Variants in NCOA1 observed in about 807,000 individuals in gnomAD.
NCOA1 encodes the protein Hin-2 protein.
NCOA1 carries 35 observed loss-of-function variants against 150.9 expected under a neutral mutation model. The observed-to-expected ratio is 0.23, with a 90% CI of 0.18 to 0.31. The LOEUF is 0.31. NCOA1 is among the 10% of genes least tolerant of loss of function. The pLI, the probability that NCOA1 is intolerant of heterozygous loss-of-function variation, is 1.00. For synonymous variants in NCOA1, 590 were observed against 630.0 expected, an observed-to-expected ratio of 0.94 and a Z score of 0.95; for missense variants, 1,491 against 1,749.3, an observed-to-expected ratio of 0.85 and a Z score of 2.63.
At chr2:24,496,931 A>T (rs1663241102) in intron 1 of NCOA1, among the ~76,000 whole-genome samples, 1 of 152,158 alleles carries the variant, frequency 6.6e-6, no homozygotes, top group African/African-American at 2.4e-5. Context: ...GTAAAAAGGT[A>T]TTAATTAGGA....
chr2:24,758,227 GAC>G, intron 21 of NCOA1, 71 bp downstream of exon 21: 1 of 1,396,286 alleles, frequency 7.2e-7, no homozygotes. Flanking sequence ...CAGGTATGTT[GAC>G]AGTTACTCAT....
In NCOA1 at chr2:24,769,955, A is replaced by G. The variant is rs1665242175; in HGVS notation, c.*1564A>G. The G allele has an allele frequency of 4.4e-6, 1 of 227,006 alleles. No homozygotes were observed. The highest frequency in any genetic ancestry group is 2.2e-5 in the African/African-American group (1 of 44,996). The allele number at this position is 227,006 out of a possible 1,614,324, so 14.1% of individuals were successfully genotyped here. The stretch of plus-strand genomic sequence containing the variant: ...AAGGCCATAAGAACAGTGGAAGAGG[A>G]GCATGGACTCAGACTTCAAGGAAGA... On this transcript the variant is annotated 3_prime_UTR_variant, in exon 23 of 23. Coordinates refer to ENST00000348332, the MANE Select transcript of NCOA1 (RefSeq NM_003743.5).
At chr2:24,568,964 A>G (rs1039831922) in intron 2 of NCOA1, among the ~76,000 whole-genome samples, 1 of 152,212 alleles carries the variant, frequency 6.6e-6, no homozygotes, top group Non-Finnish European at 1.5e-5. Flanking sequence ...TTTTTAAGCC[A>G]TTATAGCCTA....
intron 1 of NCOA1, among the ~76,000 whole-genome samples, chr2:24,551,805 T>C (rs759220685): frequency 2.0e-5 from 3 of 152,236 alleles, no homozygotes; most frequent in Admixed American, 6.5e-5. Context: ...TATTAATTTT[T>C]GTGTAAGACA....
intron 19 of NCOA1, among the ~76,000 whole-genome samples, chr2:24,748,250 T>A (rs62142355): frequency 0.15 from 22,458 of 151,832 alleles, 2,063 homozygotes; most frequent in Non-Finnish European, 0.21. Context: ...CCCTATCTAG[T>A]GAAAGAAAAA....
chr2:24,582,912 C>T (rs1667256655), intron 2 of NCOA1, among the ~76,000 whole-genome samples: 1 of 152,118 alleles, frequency 6.6e-6, no homozygotes, highest in African/African-American at 2.4e-5. Flanking sequence ...AAGAATGAAA[C>T]TAGACCCTCA....
At chr2:24,706,201 T>C (rs1426988960) in intron 12 of NCOA1, among the ~76,000 whole-genome samples, 1 of 152,150 alleles carries the variant, frequency 6.6e-6, no homozygotes, top group Non-Finnish European at 1.5e-5. Flanking sequence ...CAAAAAATTA[T>C]TATAATGTTA....
chr2:24,638,776 T>C (rs563214468), intron 3 of NCOA1, among the ~76,000 whole-genome samples: 2 of 152,318 alleles, frequency 1.3e-5, no homozygotes, highest in Non-Finnish European at 1.5e-5. Flanking sequence ...TATATTTGTA[T>C]GACTTTTGGT....
chr2:24,728,807 C>G (rs916706505), intron 16 of NCOA1, among the ~76,000 whole-genome samples: 5 of 152,196 alleles, frequency 3.3e-5, no homozygotes, highest in Non-Finnish European at 7.3e-5. Flanking sequence ...CATGGTATTG[C>G]AACTTCCAGG....
chr2:24,549,600 T>C (rs1382314824), intron 1 of NCOA1, among the ~76,000 whole-genome samples: 1 of 152,176 alleles, frequency 6.6e-6, no homozygotes, highest in Non-Finnish European at 1.5e-5. Flanking sequence ...AGAGTCTCAC[T>C]CTGTCACCCA....
At position 24,752,668 on chromosome 2, in the gene NCOA1, A is replaced by G. The variant is rs56119016; in HGVS notation, c.3881+512A>G. On this transcript the variant is annotated intron_variant, in intron 20 of 22. Coordinates refer to ENST00000348332, the MANE Select transcript of NCOA1 (RefSeq NM_003743.5). Reference sequence around the variant, plus strand: ...TTTTTAAAAGTTTTTCTTTATAAGAACACTTTAAAATCTTATAAATCTAAA... The same window carrying G: ...TTTTTAAAAGTTTTTCTTTATAAGAGCACTTTAAAATCTTATAAATCTAAA... Among the ~76,000 whole-genome samples, 907 of 152,316 alleles carry G rather than the reference A, an allele frequency of 6.0e-3. 6 individuals are homozygous for G. The highest frequency in any genetic ancestry group is 0.014 in the Admixed American group (209 of 15,306).
At chr2:24,606,603 A>G (rs555664297) in intron 3 of NCOA1, among the ~76,000 whole-genome samples, 15 of 152,270 alleles carry the variant, frequency 9.9e-5, no homozygotes, top group African/African-American at 3.6e-4. Context: ...CATGAGATAT[A>G]TTAATCTTTT....
chr2:24,720,571 T>C (rs901149869), intron 14 of NCOA1, among the ~76,000 whole-genome samples: 2 of 152,024 alleles, frequency 1.3e-5, no homozygotes, highest in South Asian at 2.1e-4. Context: ...AAGGTAGATA[T>C]GGGGGAGGTC....
At position 24,491,395 on chromosome 2, in the gene NCOA1, T is replaced by C. The variant is rs1662945574; in HGVS notation, c.-603T>C. ...CGGCTGCCTCGCGGCCTTGAGGGCC[T>C]CCGCCGCCTGTTCGCTGCTGCTCCC... On this transcript the variant is annotated 5_prime_UTR_variant, in exon 1 of 23. Coordinates refer to ENST00000348332, the MANE Select transcript of NCOA1 (RefSeq NM_003743.5). Among the ~76,000 whole-genome samples, 1 of 140,224 alleles carries C rather than the reference T, an allele frequency of 7.1e-6. No individual in the cohort carries two copies. The highest frequency in any genetic ancestry group is 1.5e-5 in the Non-Finnish European group (1 of 65,192). 92.0% of individuals were successfully genotyped at this position (140,224 alleles called of 152,430 possible).
chr2:24,537,787 G>A (rs893303136), intron 1 of NCOA1, among the ~76,000 whole-genome samples: 11 of 151,996 alleles, frequency 7.2e-5, no homozygotes, highest in African/African-American at 2.7e-4. Context: ...CTTCACTGTA[G>A]CAATCATGTT....
At chr2:24,667,765 T>C (rs1185842724) in intron 6 of NCOA1, among the ~76,000 whole-genome samples, 1 of 152,186 alleles carries the variant, frequency 6.6e-6, no homozygotes, top group Non-Finnish European at 1.5e-5. Context: ...TGCTGTTCCT[T>C]CTGTCTGGAA....
chr2:24,707,266 A>G lies in NCOA1; in HGVS notation c.1796A>G (p.Asp599Gly). 1.9e-6 allele frequency: 3 copies of G among 1,614,246 alleles called. No individual in the cohort carries two copies. The highest frequency in any genetic ancestry group is 1.6e-4 in the Middle Eastern group (1 of 6,062). The part of the protein sequence containing the change: ...ASILNEMIQS[D>G]NSSSDGKPLD... The stretch of plus-strand genomic sequence containing the variant: ...ATTTTAAATGAAATGATTCAATCTG[A>G]CAACAGCTCTAGTGATGGCAAACCT... The change falls in exon 13 of 23, where the codon GAC becomes GGC. Residue 599 changes from aspartate (D) to glycine (G), a missense_variant. Physicochemically the swap from Asp to Gly is moderately conservative, Grantham distance 94. Around this residue, in one of 8 missense-constraint regions of NCOA1, gnomAD observed 703 missense variants for 717.7 expected, o/e 0.98. Transcript: ENST00000348332.
chr2:24,710,848 T>A, intron 13 of NCOA1, 83 bp from the exon 14 acceptor site: 1 of 1,336,626 alleles, frequency 7.5e-7, no homozygotes, highest in African/African-American at 1.5e-5. Flanking sequence ...ATTCATAGAG[T>A]TTAAAGAAGC....
intron 1 of NCOA1, among the ~76,000 whole-genome samples, chr2:24,523,480 C>T (rs1412758461): frequency 1.3e-5 from 2 of 150,840 alleles, no homozygotes; most frequent in Admixed American, 6.6e-5. Context: ...GTGGTGGGTG[C>T]CTGTAGTTCC....
Sources: gnomAD v4.1 joint callset for allele counts (sites outside exome capture counted in the v4.1 genomes callset) on GRCh38, gnomAD v4.1.1 for gene constraint, gnomAD v4.1.1 regional missense constraint, MANE v1.5 for transcripts, NCBI Gene and HGNC (gene_info 2026-07-23, HGNC 2026-07-21) for gene names.